The following ADARB2 variants were observed in gnomAD, a reference collection of about 807,000 sequenced individuals.
ADARB2 encodes the protein adenosine deaminase RNA specific B2 (inactive).
In ADARB2, 25 loss-of-function variants were observed where a neutral mutation model predicts 62.2. That is an observed-to-expected ratio of 0.40 (90% CI 0.29 to 0.56). ADARB2 has a LOEUF of 0.56. Among genes scored for constraint, ADARB2 ranks in the 20% least tolerant of loss-of-function variants. The probability of loss-of-function intolerance (pLI) is 0.43; values close to 1 mark genes in which losing one functional copy is unlikely to be tolerated. For missense variants in ADARB2, 1,071 were observed against 1,077.4 expected, an observed-to-expected ratio of 0.99 and a Z score of 0.08; for synonymous variants, 572 against 500.8, an observed-to-expected ratio of 1.14 and a Z score of -1.90.
chr10:1,283,027 C>T (rs578110990), intron 3 of ADARB2, among the ~76,000 whole-genome samples: 1 of 152,304 alleles, frequency 6.6e-6, no homozygotes, highest in African/African-American at 2.4e-5. Context: ...TTACTAGTTC[C>T]GTCCACTTGA....
rs561707000 is a variant in ADARB2, at chr10:1,549,725, C to T, written c.101-170565G>A. ...GTCCCCATCCTCTAGACTCCAAAAC[C>T]GATGCCCTGGAAAGGCAGGAGATAT... On this transcript the variant is annotated intron_variant, in intron 1 of 9. Coordinates refer to ENST00000381312, the MANE Select transcript of ADARB2 (RefSeq NM_018702.4). Among the ~76,000 whole-genome samples the T allele has an allele frequency of 7.2e-5, 11 of 152,286 alleles. No homozygotes were observed. In the East Asian group the frequency reaches 9.7e-4, roughly 13 times the overall value.
At chr10:1,276,276 C>T (rs943763314) in intron 3 of ADARB2, among the ~76,000 whole-genome samples, 1 of 152,136 alleles carries the variant, frequency 6.6e-6, no homozygotes, top group Non-Finnish European at 1.5e-5. Flanking sequence ...AGCATTTTTT[C>T]ATGTGTCTTT....
intron 1 of ADARB2, among the ~76,000 whole-genome samples, chr10:1,659,652 G>C (rs559834549): frequency 6.6e-6 from 1 of 152,212 alleles, no homozygotes; most frequent in Non-Finnish European, 1.5e-5. Context: ...TGGTGAACTC[G>C]CCTATGCCCA....
chr10:1,336,733 G>A (rs4880823), intron 3 of ADARB2, among the ~76,000 whole-genome samples: 70,967 of 151,706 alleles, frequency 0.47, 17,293 homozygotes, highest in African/African-American at 0.62. Context: ...AAAGTGTTAC[G>A]CTTTCTTAGT....
At chr10:1,498,482 T>G (rs1479014391) in intron 1 of ADARB2, among the ~76,000 whole-genome samples, 1 of 152,046 alleles carries the variant, frequency 6.6e-6, no homozygotes, top group African/African-American at 2.4e-5. Context: ...AAAATACACA[T>G]GGCCTATGAC....
chr10:1,380,142 C>T (rs757166100), intron 1 of ADARB2, among the ~76,000 whole-genome samples: 1 of 152,184 alleles, frequency 6.6e-6, no homozygotes, highest in African/African-American at 2.4e-5. Flanking sequence ...GCACAGGGAT[C>T]CCCTGGCTCC....
chr10:1,471,037 C>G (rs1441889064), intron 1 of ADARB2, among the ~76,000 whole-genome samples: 3 of 152,138 alleles, frequency 2.0e-5, no homozygotes, highest in Non-Finnish European at 4.4e-5. Flanking sequence ...CCAGCCTGGG[C>G]AACAGAGTGA....
chr10:1,604,550 G>A (rs536503590), intron 1 of ADARB2, among the ~76,000 whole-genome samples: 4 of 152,304 alleles, frequency 2.6e-5, no homozygotes, highest in Admixed American at 1.3e-4. Flanking sequence ...CACGGTTTAC[G>A]TTTTCACACC....
chr10:1,611,366 C>A (rs750205667), intron 1 of ADARB2, among the ~76,000 whole-genome samples: 8 of 152,234 alleles, frequency 5.3e-5, no homozygotes, highest in Non-Finnish European at 1.2e-4. Context: ...ATTTAAGACA[C>A]TAAGACAGTG....
intron 3 of ADARB2, among the ~76,000 whole-genome samples, chr10:1,352,971 G>A (rs80306046): frequency 6.6e-6 from 1 of 152,112 alleles, no homozygotes; most frequent in South Asian, 2.1e-4. Context: ...GGAAAGGCAG[G>A]CTATACTATA....
intron 1 of ADARB2, among the ~76,000 whole-genome samples, chr10:1,558,927 G>A (rs897314247): frequency 1.3e-5 from 2 of 152,234 alleles, no homozygotes; most frequent in Admixed American, 1.3e-4. Flanking sequence ...TGTTCCATGA[G>A]AACCAACAGT....
intron 1 of ADARB2, among the ~76,000 whole-genome samples, chr10:1,703,424 G>A (rs1406980725): frequency 6.6e-6 from 1 of 152,120 alleles, no homozygotes; most frequent in Non-Finnish European, 1.5e-5. Context: ...GAGCAGTGAG[G>A]AGGCTGAGGG....
At chr10:1,730,577 T>TA (rs988662445) in intron 1 of ADARB2, among the ~76,000 whole-genome samples, 16 of 152,270 alleles carry the variant, frequency 1.1e-4, no homozygotes, top group African/African-American at 3.9e-4. Context: ...TTTCACCTCT[T>TA]AGAGAGTTGA....
chr10:1,463,522 G>A (rs1249169255), intron 1 of ADARB2, among the ~76,000 whole-genome samples: 1 of 152,232 alleles, frequency 6.6e-6, no homozygotes. Context: ...ATCTCAGAAT[G>A]AGAGTCTATT....
chr10:1,199,953 A>T lies in ADARB2; in HGVS notation c.1864+13T>A, dbSNP rs1983028. On this transcript the variant is annotated intron_variant, in intron 8 of 9. Coordinates refer to ENST00000381312, the MANE Select transcript of ADARB2 (RefSeq NM_018702.4). ...GGAAGGAGGTGGAGGGCCCCCGGGAAGGGGGTTCTTACCGCTGAGGAGAGG... is the reference window on the plus strand; with the variant it reads ...GGAAGGAGGTGGAGGGCCCCCGGGATGGGGGTTCTTACCGCTGAGGAGAGG... 0.23 allele frequency: 341,355 copies of T among 1,511,206 alleles called. 40,027 individuals are homozygous for T. The highest frequency in any genetic ancestry group is 0.3 in the East Asian group (12,944 of 42,520). 93.6% of individuals were successfully genotyped at this position (1,511,206 alleles called of 1,614,324 possible).
At position 1,508,214 on chromosome 10, in the gene ADARB2, A is replaced by T. The variant is rs575706523; in HGVS notation, c.101-129054T>A. 1.4e-4 allele frequency among the ~76,000 whole-genome samples: 22 copies of T among 152,274 alleles called. No individual in the cohort carries two copies. The South Asian group carries it at 1.9e-3, about 13-fold the overall frequency. The stretch of plus-strand genomic sequence containing the variant: ...GGCCCCTTGGTGGTTGAGAGCCCTC[A>T]CTGTCACCGACCTCCATCCATCCCC... On this transcript the variant is annotated intron_variant, in intron 1 of 9. Transcript: ENST00000381312.
At chr10:1,620,531 C>T (rs1449874676) in intron 1 of ADARB2, among the ~76,000 whole-genome samples, 1 of 125,106 alleles carries the variant, frequency 8.0e-6, no homozygotes, top group Non-Finnish European at 1.5e-5. Flanking sequence ...AATGGTGTCA[C>T]TGGTGAATTT....
At chr10:1,338,736 G>A (rs1161341092) in intron 3 of ADARB2, among the ~76,000 whole-genome samples, 2 of 152,228 alleles carry the variant, frequency 1.3e-5, no homozygotes, top group Non-Finnish European at 2.9e-5. Context: ...GGTGGATAGA[G>A]AGGTGGAGGA....
chr10:1,224,420 T>G (rs1402566601), intron 6 of ADARB2, among the ~76,000 whole-genome samples: 4 of 152,156 alleles, frequency 2.6e-5, no homozygotes, highest in Non-Finnish European at 5.9e-5. Flanking sequence ...TGTGTCTCTA[T>G]TTCCTTCAGT....
Sources: allele counts gnomAD v4.1 joint callset (sites outside exome capture counted in the v4.1 genomes callset), GRCh38; gene constraint gnomAD v4.1.1; transcripts MANE v1.5; gene names NCBI Gene and HGNC (gene_info 2026-07-23, HGNC 2026-07-21).